Variants in PARD3B observed in about 807,000 individuals in gnomAD.
The protein encoded by PARD3B is par-3 family cell polarity regulator beta.
A neutral mutation model predicts 130.2 loss-of-function variants in PARD3B; 103 were observed. The ratio of observed to expected loss-of-function variants is 0.79; its 90% CI spans 0.67 to 0.93. The LOEUF is 0.93. Among genes scored for constraint, PARD3B ranks in the 40% least tolerant of loss-of-function variants. The probability of loss-of-function intolerance (pLI) is 0.00; values close to 1 mark genes in which losing one functional copy is unlikely to be tolerated. For missense variants in PARD3B, 1,609 were observed against 1,499.2 expected, an observed-to-expected ratio of 1.07 and a Z score of -1.21; for synonymous variants, 583 against 553.2, an observed-to-expected ratio of 1.05 and a Z score of -0.76.
Position 205,616,001 on chromosome 2 carries a change from A to C in PARD3B, c.*188A>C, listed in dbSNP as rs541511701. ...GAAGGGGAAGGGAATTGGGGAGGAA[A>C]AAAAATCAGAAGGAAGACGAAAGAT... On this transcript the variant is annotated 3_prime_UTR_variant, in exon 23 of 23. Coordinates refer to ENST00000406610, the MANE Select transcript of PARD3B (RefSeq NM_001302769.2). The C allele has an allele frequency of 5.2e-6, 3 of 573,708 alleles. No individual in the cohort carries two copies. In the African/African-American group the frequency reaches 5.6e-5, roughly 11 times the overall value. 35.5% of individuals were successfully genotyped at this position (573,708 alleles called of 1,614,324 possible). A position where few individuals can be genotyped will look rare whatever the true frequency, so the allele number is the denominator to read the frequency against.
chr2:205,228,843 A>G (rs1306844433), intron 15 of PARD3B, among the ~76,000 whole-genome samples: 1 of 152,118 alleles, frequency 6.6e-6, no homozygotes, highest in African/African-American at 2.4e-5. Flanking sequence ...CCTGGCTTCA[A>G]GCTCACTGAT....
intron 20 of PARD3B, among the ~76,000 whole-genome samples, chr2:205,449,615 A>T (rs557040934): frequency 6.6e-6 from 1 of 152,292 alleles, no homozygotes; most frequent in South Asian, 2.1e-4. Flanking sequence ...CTGTGAGCTG[A>T]TGTAATACCA....
chr2:204,604,233 C>T (rs974517784), intron 1 of PARD3B, among the ~76,000 whole-genome samples: 2 of 152,116 alleles, frequency 1.3e-5, no homozygotes, highest in Non-Finnish European at 2.9e-5. Flanking sequence ...TTCCTCACCA[C>T]TGAGAATTGG....
chr2:205,288,387 G>T lies in PARD3B; in HGVS notation c.2186-12143G>T, dbSNP rs1158830270. Reference sequence around the variant, plus strand: ...TAGAAGAAATTTGAAATTGTAAAAAGAAAGGAAGAGCAAGAGATTTTATTA... The same window carrying T: ...TAGAAGAAATTTGAAATTGTAAAAATAAAGGAAGAGCAAGAGATTTTATTA... On this transcript the variant is annotated intron_variant, in intron 16 of 22. Transcript: ENST00000406610. This position sits in a 1 kb window ranked among gnomAD's most constrained non-coding sequence, Gnocchi z 4.0. Among the ~76,000 whole-genome samples the T allele has an allele frequency of 2.0e-5, 3 of 152,152 alleles. No homozygotes were observed. Among genetic ancestry groups the T allele is most frequent in the Non-Finnish European group, 2.9e-5 (2 of 68,012 alleles).
chr2:204,549,160 G>A (rs889422500), intron 1 of PARD3B, among the ~76,000 whole-genome samples: 19 of 152,136 alleles, frequency 1.2e-4, no homozygotes, highest in Admixed American at 1.2e-3. Flanking sequence ...AGATACAGGG[G>A]GAGCTTTTGG....
intron 21 of PARD3B, among the ~76,000 whole-genome samples, chr2:205,514,084 C>G (rs1352947638): frequency 6.6e-6 from 1 of 152,110 alleles, no homozygotes; most frequent in Non-Finnish European, 1.5e-5. Context: ...TATGCCCAAC[C>G]TCTCCTTTTG....
chr2:204,775,384 G>A (rs2041574528), intron 2 of PARD3B, among the ~76,000 whole-genome samples: 1 of 152,100 alleles, frequency 6.6e-6, no homozygotes, highest in South Asian at 2.1e-4. Context: ...GAATGGTCAG[G>A]TGACAGAAAC....
At chr2:205,387,016 A>G (rs768270931) in intron 18 of PARD3B, among the ~76,000 whole-genome samples, 16 of 152,218 alleles carry the variant, frequency 1.1e-4, no homozygotes, top group Non-Finnish European at 1.9e-4. Flanking sequence ...TATTTATTGA[A>G]CAAGCTTATT....
chr2:204,761,931 G>A (rs2040915941), intron 2 of PARD3B, among the ~76,000 whole-genome samples: 1 of 151,726 alleles, frequency 6.6e-6, no homozygotes, highest in Admixed American at 6.6e-5. Flanking sequence ...TTATGAATCA[G>A]GCTTTCAATT....
intron 2 of PARD3B, among the ~76,000 whole-genome samples, chr2:204,819,897 A>G (rs2043277703): frequency 6.6e-6 from 1 of 152,078 alleles, no homozygotes; most frequent in East Asian, 1.9e-4. Context: ...AGGAAGCTGC[A>G]GAAGAAAAGT....
intron 3 of PARD3B, among the ~76,000 whole-genome samples, chr2:204,996,448 C>T (rs1346028847): frequency 1.3e-5 from 2 of 152,194 alleles, no homozygotes; most frequent in African/African-American, 2.4e-5. Context: ...TCTCAGATCT[C>T]CAGCTGCGTG....
At chr2:204,897,458 A>G (rs1040283796) in intron 2 of PARD3B, among the ~76,000 whole-genome samples, 2 of 148,240 alleles carry the variant, frequency 1.3e-5, no homozygotes, top group Non-Finnish European at 3.0e-5. Flanking sequence ...GCAACAATGG[A>G]CTGTCTCCCA....
In PARD3B at chr2:204,673,567, G is replaced by A. The variant is rs2036403849; in HGVS notation, c.121-12614G>A. Among the ~76,000 whole-genome samples, 2 of 152,312 alleles carry A rather than the reference G, an allele frequency of 1.3e-5. No individual in the cohort carries two copies. The highest frequency in any genetic ancestry group is 4.1e-4 in the South Asian group (2 of 4,830). On this transcript the variant is annotated intron_variant, in intron 1 of 22. Transcript: ENST00000406610. The surrounding 1 kb of genome is among the most constrained non-coding windows in gnomAD (Gnocchi z 4.7). ...GACTTGCCCTGGGGCACAGCCATTT[G>A]TTAGAAGACCTGGCTCCCCACCTCC... is the stretch of plus-strand genomic sequence containing the variant.
intron 1 of PARD3B, among the ~76,000 whole-genome samples, chr2:204,644,233 G>A (rs1031308741): frequency 6.6e-6 from 1 of 152,052 alleles, no homozygotes. Flanking sequence ...TTTTCATGGG[G>A]ACACATTTCT....
chr2:204,948,846 A>C (rs1689542036), intron 2 of PARD3B, among the ~76,000 whole-genome samples: 1 of 152,214 alleles, frequency 6.6e-6, no homozygotes, highest in Non-Finnish European at 1.5e-5. Flanking sequence ...TTTATCCTTG[A>C]CAGATAATGG....
intron 2 of PARD3B, among the ~76,000 whole-genome samples, chr2:204,833,304 G>T (rs1373569244): frequency 2.6e-5 from 4 of 151,782 alleles, no homozygotes; most frequent in Non-Finnish European, 5.9e-5. Flanking sequence ...TCACACCATT[G>T]AAAAAAAGGT....
At chr2:205,267,998 T>TTGGTTATTAATC (rs1445611620) in intron 16 of PARD3B, among the ~76,000 whole-genome samples, 1 of 152,224 alleles carries the variant, frequency 6.6e-6, no homozygotes, top group East Asian at 1.9e-4. Context: ...ACCAACTCTA[T>TTGGTTATTAATC]TGGTTATTAA....
At chr2:204,935,047 A>G (rs1688310064) in intron 2 of PARD3B, among the ~76,000 whole-genome samples, 1 of 152,082 alleles carries the variant, frequency 6.6e-6, no homozygotes, top group Non-Finnish European at 1.5e-5. Flanking sequence ...ACGCTTGATT[A>G]TAACCTGATA....
intron 22 of PARD3B, among the ~76,000 whole-genome samples, chr2:205,586,240 TA>T (rs2054192518): frequency 6.6e-6 from 1 of 152,216 alleles, no homozygotes; most frequent in Admixed American, 6.5e-5. Flanking sequence ...CAGTTCAAGT[TA>T]CTGCAGGCTG....
Sources: allele counts gnomAD v4.1 joint callset (sites outside exome capture counted in the v4.1 genomes callset), GRCh38; gene constraint gnomAD v4.1.1; non-coding constraint Gnocchi (gnomAD v3.1); transcripts MANE v1.5; gene names NCBI Gene and HGNC (gene_info 2026-07-23, HGNC 2026-07-21).